The following PCSK5 variants were observed in gnomAD, a reference collection of about 807,000 sequenced individuals.
PCSK5 encodes the protein proprotein convertase subtilisin/kexin type 5.
In PCSK5, 129 loss-of-function variants were observed where a neutral mutation model predicts 233.2. That is an observed-to-expected ratio of 0.55 (90% CI 0.48 to 0.64). PCSK5 has a LOEUF of 0.64. Ranked by LOEUF, PCSK5 falls within the 30% of genes least tolerant of loss-of-function variation. The pLI, the probability that PCSK5 is intolerant of heterozygous loss-of-function variation, is 0.00. For missense variants in PCSK5, 2,076 were observed against 2,430.1 expected (o/e 0.85, Z 3.06); for synonymous variants, 825 against 879.2 (o/e 0.94, Z 1.09).
chr9:75,912,409 A>T (rs984994123), intron 1 of PCSK5, among the ~76,000 whole-genome samples: 1 of 152,138 alleles, frequency 6.6e-6, no homozygotes, highest in African/African-American at 2.4e-5. Flanking sequence ...GGTCGGAGAG[A>T]TGGGTTAAAT....
intron 9 of PCSK5, among the ~76,000 whole-genome samples, chr9:76,122,315 C>A (rs1229237936): frequency 6.6e-6 from 1 of 151,636 alleles, no homozygotes; most frequent in Non-Finnish European, 1.5e-5. Context: ...CTCTTATTGG[C>A]TGAATCATGG....
At chr9:76,115,599 A>G (rs553143437) in intron 9 of PCSK5, among the ~76,000 whole-genome samples, 4 of 152,210 alleles carry the variant, frequency 2.6e-5, no homozygotes, top group African/African-American at 7.2e-5. Flanking sequence ...GATAGTGCCT[A>G]TGGTAACACC....
intron 9 of PCSK5, among the ~76,000 whole-genome samples, chr9:76,111,212 T>C (rs892780599): frequency 6.6e-6 from 1 of 152,214 alleles, no homozygotes; most frequent in Non-Finnish European, 1.5e-5. Flanking sequence ...TAAGAATATG[T>C]GTTGCAACAA....
intron 2 of PCSK5, among the ~76,000 whole-genome samples, chr9:75,974,122 T>C (rs933703787): frequency 6.6e-6 from 1 of 152,094 alleles, no homozygotes; most frequent in African/African-American, 2.4e-5. Flanking sequence ...TAATTGACTG[T>C]GGTGGGCATG....
Position 75,891,077 on chromosome 9 carries a change from G to T in PCSK5, c.-105G>T. ...TCGCCCGGGGCTGCGAGCTGCGGCG[G>T]CCCGGGGCTGCTCGCCGGGCGGCGC... On this transcript the variant is annotated 5_prime_UTR_variant, in exon 1 of 38. Coordinates refer to ENST00000674117, the MANE Select transcript of PCSK5 (RefSeq NM_001372043.1). 1 of 1,094,966 alleles carries T rather than the reference G, an allele frequency of 9.1e-7. No homozygotes were observed. The highest frequency in any genetic ancestry group is 1.2e-6 in the Non-Finnish European group (1 of 831,920). 67.8% of individuals were successfully genotyped at this position (1,094,966 alleles called of 1,614,324 possible).
chr9:76,090,014 C>G (rs1219412341), intron 7 of PCSK5, among the ~76,000 whole-genome samples: 2 of 152,130 alleles, frequency 1.3e-5, no homozygotes, highest in Non-Finnish European at 2.9e-5. Flanking sequence ...TGCATGGATT[C>G]CACAATATAT....
chr9:76,019,565 CCCTCCCACCCATAAACCCTGCCAGCA>C (rs1828093500), intron 3 of PCSK5, among the ~76,000 whole-genome samples: 1 of 151,894 alleles, frequency 6.6e-6, no homozygotes, highest in African/African-American at 2.4e-5. Context: ...ATACCATAAG[CCCTCCCACCCATAAACCCTGCCAGCA>C]CCTCCCACCT....
At chr9:76,349,286 A>AG (rs1224372307) in intron 35 of PCSK5, among the ~76,000 whole-genome samples, 6 of 104,276 alleles carry the variant, frequency 5.8e-5, no homozygotes, top group Non-Finnish European at 1.2e-4. Flanking sequence ...AAAAAAAAAA[A>AG]AAAAAGAAAA....
chr9:76,108,643 C>CTG (rs1341238311), intron 9 of PCSK5, among the ~76,000 whole-genome samples: 1 of 152,140 alleles, frequency 6.6e-6, no homozygotes, highest in African/African-American at 2.4e-5. Flanking sequence ...GTCCCAGCTA[C>CTG]TGGGGAGGCT....
intron 24 of PCSK5, among the ~76,000 whole-genome samples, chr9:76,289,476 C>T (rs1175331563): frequency 2.2e-5 from 2 of 92,276 alleles, no homozygotes; most frequent in Non-Finnish European, 2.3e-5. Context: ...TCACCACACA[C>T]ACACACACAC....
chr9:76,128,902 A>G (rs1188319877), intron 9 of PCSK5, among the ~76,000 whole-genome samples: 1 of 152,218 alleles, frequency 6.6e-6, no homozygotes, highest in Non-Finnish European at 1.5e-5. Context: ...GAATTATTGT[A>G]GAACACAAAA....
At chr9:76,227,463 C>T (rs767543247) in intron 20 of PCSK5, 40 bp from the exon 21 acceptor site, 2 of 1,414,698 alleles carry the variant, frequency 1.4e-6, no homozygotes, top group East Asian at 2.4e-5. Context: ...GCAGGCTTGC[C>T]ATGTAGAAAT....
In PCSK5 at chr9:76,046,155, CTTTTGT is replaced by C. The variant is rs1829364024; in HGVS notation, c.632+19123_632+19128del. 3.8e-4 allele frequency among the ~76,000 whole-genome samples: 21 copies of C among 55,708 alleles called. 1 individual carries two copies. Among genetic ancestry groups the C allele is most frequent in the African/African-American group, 1.1e-3 (21 of 19,234 alleles). The allele number at this position is 55,708 out of a possible 152,430, so 36.5% of individuals were successfully genotyped here. On this transcript the variant is annotated intron_variant, in intron 5 of 37. Coordinates refer to ENST00000674117, the MANE Select transcript of PCSK5 (RefSeq NM_001372043.1). ...TAGTAGCATTAACACATAATTTTTT[CTTTTGT>C]TTTTTTTTTTTTTTTTTTTTTTTTT...
chr9:76,310,525 A>T, intron 29 of PCSK5, 131 bp from the exon 30 acceptor site: 1 of 512,762 alleles, frequency 2.0e-6, no homozygotes, highest in South Asian at 4.6e-5. Flanking sequence ...TAGCATCACT[A>T]GCAAATATTT....
At chr9:75,987,584 T>A (rs1166553103) in intron 3 of PCSK5, among the ~76,000 whole-genome samples, 1 of 152,038 alleles carries the variant, frequency 6.6e-6, no homozygotes, top group African/African-American at 2.4e-5. Context: ...TACCCAGAAA[T>A]GAAAGGTTAT....
chr9:75,943,703 A>G (rs1048690232), intron 2 of PCSK5, among the ~76,000 whole-genome samples: 2 of 152,160 alleles, frequency 1.3e-5, no homozygotes, highest in Admixed American at 1.3e-4. Context: ...AAGACTTACC[A>G]TTTTTCATGC....
chr9:76,175,079 A>G lies in PCSK5; in HGVS notation c.1850A>G (p.Tyr617Cys), dbSNP rs780514184. 15 of 1,614,076 alleles carry G rather than the reference A, an allele frequency of 9.3e-6. No homozygotes were observed. Among genetic ancestry groups the G allele is most frequent in the East Asian group, 2.2e-5 (1 of 44,892 alleles). Residue 617 changes from tyrosine to cysteine, a missense_variant, in exon 14 of 38, where the codon TAT becomes TGT. Tyr to Cys is a radical substitution (Grantham distance 194). Transcript: ENST00000674117. ...NEFPKVERFR[Y>C]SRVEDPTDDY... ...TTTCCGAAAGTGGAACGGTTCCGCT[A>G]TAGCCGAGTTGAAGACCCCACAGAC...
At chr9:75,986,557 C>T (rs774737098) in intron 3 of PCSK5, among the ~76,000 whole-genome samples, 19 of 152,160 alleles carry the variant, frequency 1.2e-4, no homozygotes, top group African/African-American at 4.6e-4. Context: ...AGTGCACATA[C>T]CCTTAGACCT....
chr9:76,194,662 G>A (rs188068780), intron 20 of PCSK5: 229 of 402,914 alleles, frequency 5.7e-4, no homozygotes, highest in Admixed American at 1.4e-3. Context: ...ACACTTCATC[G>A]AAACTAGAAG....
Sources: allele counts gnomAD v4.1 joint callset (sites outside exome capture counted in the v4.1 genomes callset), GRCh38; gene constraint gnomAD v4.1.1; transcripts MANE v1.5; gene names NCBI Gene and HGNC (gene_info 2026-07-23, HGNC 2026-07-21).